LRMDA: variants seen among roughly 807,000 people sequenced by gnomAD.
The protein encoded by LRMDA is leucine-rich melanocyte differentiation-associated protein.
LRMDA carries 18 observed loss-of-function variants against 29.8 expected under a neutral mutation model. The observed-to-expected ratio is 0.60, with a 90% CI of 0.42 to 0.90. The LOEUF is 0.90. Among genes scored for constraint, LRMDA ranks in the 40% least tolerant of loss-of-function variants. LRMDA has a pLI of 0.00. For synonymous variants in LRMDA, 125 were observed against 109.4 expected, an observed-to-expected ratio of 1.14 and a Z score of -0.89; for missense variants, 273 against 273.9, an observed-to-expected ratio of 1.00 and a Z score of 0.02.
intron 2 of LRMDA, among the ~76,000 whole-genome samples, chr10:75,785,013 G>A (rs958618484): frequency 7.9e-5 from 12 of 152,166 alleles, no homozygotes; most frequent in Admixed American, 5.9e-4. Context: ...TTCTGTAATG[G>A]TAAAGTCCAC....
At chr10:76,422,895 G>A (rs1398056971) in intron 6 of LRMDA, among the ~76,000 whole-genome samples, 1 of 152,160 alleles carries the variant, frequency 6.6e-6, no homozygotes, top group Non-Finnish European at 1.5e-5. Flanking sequence ...ACTTCCTCAT[G>A]AAAAAAGAAC....
intron 6 of LRMDA, among the ~76,000 whole-genome samples, chr10:76,337,392 A>C (rs1840982771): frequency 6.6e-6 from 1 of 152,208 alleles, no homozygotes; most frequent in Non-Finnish European, 1.5e-5. Context: ...TTGGCAATTT[A>C]AGATCTGACA....
chr10:76,006,690 C>T (rs1847668929), intron 2 of LRMDA, among the ~76,000 whole-genome samples: 2 of 152,170 alleles, frequency 1.3e-5, no homozygotes, highest in South Asian at 4.1e-4. Context: ...GTCGCTCTGA[C>T]TTTTTCTTAG....
At chr10:76,131,679 A>G (rs1352669127) in intron 5 of LRMDA, among the ~76,000 whole-genome samples, 2 of 151,888 alleles carry the variant, frequency 1.3e-5, no homozygotes, top group African/African-American at 4.8e-5. Flanking sequence ...TTTTTTAAAG[A>G]AAAACCTTTG....
At chr10:76,076,048 A>G (rs1272267117) in intron 5 of LRMDA, among the ~76,000 whole-genome samples, 1 of 152,186 alleles carries the variant, frequency 6.6e-6, no homozygotes, top group Non-Finnish European at 1.5e-5. Flanking sequence ...CCCAATAAAG[A>G]CTTAATAACT....
chr10:76,495,538 A>C (rs1842873515), intron 6 of LRMDA, among the ~76,000 whole-genome samples: 1 of 151,912 alleles, frequency 6.6e-6, no homozygotes, highest in Non-Finnish European at 1.5e-5. Context: ...ACAATTTGAT[A>C]GGCATTGCAT....
intron 2 of LRMDA, among the ~76,000 whole-genome samples, chr10:75,727,712 G>T (rs1204230973): frequency 6.6e-6 from 1 of 152,148 alleles, no homozygotes; most frequent in Non-Finnish European, 1.5e-5. Context: ...GTTTCCCTCA[G>T]TTAATTCCTT....
chr10:76,417,617 A>G (rs1842030529), intron 6 of LRMDA, among the ~76,000 whole-genome samples: 1 of 152,218 alleles, frequency 6.6e-6, no homozygotes, highest in Non-Finnish European at 1.5e-5. Context: ...TAAATTTTCT[A>G]TAAATGGAAG....
At position 76,006,983 on chromosome 10, in the gene LRMDA, CGTGTGTGTGTGT is replaced by C. The variant is rs572881040; in HGVS notation, c.132-28987_132-28976del. Among the ~76,000 whole-genome samples the C allele has an allele frequency of 1.0e-3, 118 of 116,206 alleles. 3 individuals are homozygous for C. Among genetic ancestry groups the C allele is most frequent in the South Asian group, 7.7e-3 (23 of 3,000 alleles). The allele number at this position is 116,206 out of a possible 152,430, so 76.2% of individuals were successfully genotyped here. A position where few individuals can be genotyped will look rare whatever the true frequency, so the allele number is the denominator to read the frequency against. ...GCTAAAGTTTGCAGGATGGAGAAGG[CGTGTGTGTGTGT>C]GTGTGTGTGTGTGTGTGTGTGTGTG... On this transcript the variant is annotated intron_variant, in intron 2 of 6. Transcript: ENST00000611255.
intron 2 of LRMDA, among the ~76,000 whole-genome samples, chr10:75,540,167 G>A (rs1041533857): frequency 6.6e-6 from 1 of 152,194 alleles, no homozygotes; most frequent in African/African-American, 2.4e-5. Flanking sequence ...GGGTGTGGGA[G>A]CGTATTTTAG....
At chr10:76,068,727 A>T (rs773380692) in intron 5 of LRMDA, among the ~76,000 whole-genome samples, 1 of 152,194 alleles carries the variant, frequency 6.6e-6, no homozygotes, top group East Asian at 1.9e-4. Context: ...CAACCTGAAC[A>T]GAGTTAAAAG....
intron 5 of LRMDA, among the ~76,000 whole-genome samples, chr10:76,207,832 C>G (rs1851565200): frequency 6.6e-6 from 1 of 152,110 alleles, no homozygotes; most frequent in Admixed American, 6.5e-5. Flanking sequence ...GGCGTGGTGG[C>G]ACATACCTGT....
At chr10:75,664,587 C>G (rs1036182447) in intron 2 of LRMDA, among the ~76,000 whole-genome samples, 1 of 152,092 alleles carries the variant, frequency 6.6e-6, no homozygotes, top group African/African-American at 2.4e-5. Context: ...GGGCACTAAC[C>G]CAGCTGGAGG....
chr10:75,936,906 T>C (rs1419763909), intron 2 of LRMDA, among the ~76,000 whole-genome samples: 1 of 152,206 alleles, frequency 6.6e-6, no homozygotes, highest in African/African-American at 2.4e-5. Flanking sequence ...GCCATGCATG[T>C]ATTTCAGTAT....
chr10:75,532,462 A>G (rs1845488746), intron 2 of LRMDA, among the ~76,000 whole-genome samples: 1 of 152,168 alleles, frequency 6.6e-6, no homozygotes, highest in African/African-American at 2.4e-5. Context: ...GCTTGGGGAA[A>G]GTGCCTTTTC....
intron 5 of LRMDA, among the ~76,000 whole-genome samples, chr10:76,273,444 C>A (rs903940417): frequency 2.6e-5 from 4 of 152,156 alleles, no homozygotes; most frequent in African/African-American, 9.6e-5. Flanking sequence ...TAGACACCAA[C>A]GATTTCTTTC....
At chr10:75,986,400 T>G (rs1847262926) in intron 2 of LRMDA, among the ~76,000 whole-genome samples, 1 of 152,238 alleles carries the variant, frequency 6.6e-6, no homozygotes, top group Non-Finnish European at 1.5e-5. Context: ...AATTTGTGTC[T>G]TGACAGATTA....
chr10:76,225,724 T>TTTATTTATTTATTTATTAA lies in LRMDA; in HGVS notation c.517-98676_517-98675insTATTTATTTATTTATTAAT, dbSNP rs1554856628. 4.8e-4 allele frequency among the ~76,000 whole-genome samples: 40 copies of TTTATTTATTTATTTATTAA among 83,908 alleles called. No homozygotes were observed. In the East Asian group the frequency reaches 9.5e-3, roughly 20 times the overall value. The allele number at this position is 83,908 out of a possible 152,430, so 55.0% of individuals were successfully genotyped here. A position where few individuals can be genotyped will look rare whatever the true frequency, so the allele number is the denominator to read the frequency against. ...TATTTATTTATTTATTTATTTATTA[T>TTTATTTATTTATTTATTAA]TATATATATATTTTTATTATATTTT... On this transcript the variant is annotated intron_variant, in intron 5 of 6. Transcript: ENST00000611255.
intron 2 of LRMDA, among the ~76,000 whole-genome samples, chr10:75,672,850 G>C (rs2132145345): frequency 6.6e-6 from 1 of 151,446 alleles, no homozygotes. Flanking sequence ...GGGGTTACAG[G>C]CTTGAACCAC....
Sources: allele counts gnomAD v4.1 joint callset (sites outside exome capture counted in the v4.1 genomes callset), GRCh38; gene constraint gnomAD v4.1.1; transcripts MANE v1.5; gene names NCBI Gene and HGNC (gene_info 2026-07-23, HGNC 2026-07-21).